The following SDK1 variants were observed in gnomAD, a reference collection of about 807,000 sequenced individuals.
SDK1 encodes protein sidekick-1.
Under a neutral mutation model 245.5 loss-of-function variants are expected in SDK1, and 157 were observed. The ratio of observed to expected loss-of-function variants is 0.64; its 90% CI spans 0.56 to 0.73. SDK1 has a LOEUF of 0.73. Among genes scored for constraint, SDK1 ranks in the 30% least tolerant of loss-of-function variants. The probability of loss-of-function intolerance (pLI) is 0.00; values close to 1 mark genes in which losing one functional copy is unlikely to be tolerated. For missense variants in SDK1, 3,583 were observed against 3,002.3 expected, an observed-to-expected ratio of 1.19 and a Z score of -4.52; for synonymous variants, 1,647 against 1,278.5, an observed-to-expected ratio of 1.29 and a Z score of -6.15.
intron 4 of SDK1, among the ~76,000 whole-genome samples, chr7:3,760,524 C>T (rs1780067458): frequency 6.6e-6 from 1 of 152,162 alleles, no homozygotes; most frequent in African/African-American, 2.4e-5. Context: ...TTATGTTTGC[C>T]AAATAAATCT....
chr7:4,220,086 T>A (rs375160906), intron 38 of SDK1, 23 bp from the exon 39 acceptor site: 1 of 1,609,192 alleles, frequency 6.2e-7, no homozygotes, highest in Non-Finnish European at 8.5e-7. Flanking sequence ...CCCCCTTGTT[T>A]CCTTTGCTTC....
chr7:3,830,736 G>A (rs1010394905), intron 5 of SDK1, among the ~76,000 whole-genome samples: 18 of 152,292 alleles, frequency 1.2e-4, no homozygotes, highest in Non-Finnish European at 1.9e-4. Context: ...GGCTCAAACA[G>A]TCGTCCTGTC....
At chr7:3,598,985 GGTTGCATGGTA>G (rs1050651018) in intron 1 of SDK1, among the ~76,000 whole-genome samples, 31 of 151,984 alleles carry the variant, frequency 2.0e-4, no homozygotes, top group Admixed American at 3.9e-4. Context: ...ACAGTTGCTG[GGTTGCATGGTA>G]GTTGCATGCT....
chr7:3,888,100 T>C (rs1208678340), intron 5 of SDK1, among the ~76,000 whole-genome samples: 1 of 152,222 alleles, frequency 6.6e-6, no homozygotes, highest in Non-Finnish European at 1.5e-5. Context: ...GGGTCAGCCT[T>C]ACTGAAACAA....
At chr7:4,174,523 CAG>C (rs2128217691) in intron 33 of SDK1, among the ~76,000 whole-genome samples, 166 bp downstream of exon 33, 1 of 152,288 alleles carries the variant, frequency 6.6e-6, no homozygotes, top group South Asian at 2.1e-4. Context: ...CAGGGGCACA[CAG>C]GGTGCAGGTG....
chr7:3,483,212 T>C (rs1441375088), intron 1 of SDK1, among the ~76,000 whole-genome samples: 1 of 152,238 alleles, frequency 6.6e-6, no homozygotes, highest in African/African-American at 2.4e-5. Flanking sequence ...TTTACAGTAT[T>C]GAGTCCTAGC....
At chr7:3,396,541 CCT>C (rs1176393420) in intron 1 of SDK1, among the ~76,000 whole-genome samples, 1 of 151,654 alleles carries the variant, frequency 6.6e-6, no homozygotes, top group Non-Finnish European at 1.5e-5. Context: ...ATTTTGGACC[CCT>C]GTTACTGCAT....
At chr7:3,547,214 TTAA>T (rs1472497933) in intron 1 of SDK1, among the ~76,000 whole-genome samples, 1 of 149,576 alleles carries the variant, frequency 6.7e-6, no homozygotes, top group Non-Finnish European at 1.5e-5. Context: ...TTACTCTACT[TTAA>T]GTGCTTTGAT....
chr7:3,829,256 T>G lies in SDK1; in HGVS notation c.847+7673T>G, dbSNP rs142351375. ...AGAAAGATACACAGTTTTACAAAAT[T>G]GTTTTAGGTGATCTAGGAACAACAA... On this transcript the variant is annotated intron_variant, in intron 5 of 44. Coordinates refer to ENST00000404826, the MANE Select transcript of SDK1 (RefSeq NM_152744.4). Among the ~76,000 whole-genome samples the G allele has an allele frequency of 4.1e-3, 625 of 152,302 alleles. 2 individuals carry two copies. The highest frequency in any genetic ancestry group is 6.3e-3 in the Non-Finnish European group (430 of 68,034).
chr7:3,381,180 G>A (rs1402057629), intron 1 of SDK1, among the ~76,000 whole-genome samples: 1 of 152,110 alleles, frequency 6.6e-6, no homozygotes, highest in Non-Finnish European at 1.5e-5. Flanking sequence ...TGAAGAGACT[G>A]GCAGAAGAAT....
chr7:3,392,605 A>G (rs1781786098), intron 1 of SDK1, among the ~76,000 whole-genome samples: 1 of 152,172 alleles, frequency 6.6e-6, no homozygotes, highest in Admixed American at 6.5e-5. Flanking sequence ...TCTAAGCAAT[A>G]ATTTCCCATT....
At chr7:3,617,884 C>T (rs1430304860) in intron 1 of SDK1, among the ~76,000 whole-genome samples, 1 of 152,142 alleles carries the variant, frequency 6.6e-6, no homozygotes, top group Non-Finnish European at 1.5e-5. Flanking sequence ...CAGACCGTAA[C>T]TCTAGGAAAG....
chr7:4,032,036 A>AG (rs921642419), intron 17 of SDK1, among the ~76,000 whole-genome samples: 6 of 151,866 alleles, frequency 4.0e-5, no homozygotes, highest in African/African-American at 7.3e-5. Context: ...CAAAAAAAAA[A>AG]AAAAAAAAGT....
At chr7:4,016,117 G>C (rs1287492364) in intron 16 of SDK1, among the ~76,000 whole-genome samples, 1 of 152,230 alleles carries the variant, frequency 6.6e-6, no homozygotes, top group Admixed American at 6.5e-5. Flanking sequence ...TTCGTGCTCA[G>C]GTGCCCTGCC....
At chr7:3,689,091 A>C (rs377529508) in intron 4 of SDK1, among the ~76,000 whole-genome samples, 22 of 152,246 alleles carry the variant, frequency 1.4e-4, no homozygotes, top group African/African-American at 5.3e-4. Context: ...TTCCAGTTCT[A>C]CATGTGGAGT....
chr7:3,774,630 A>C (rs377513891), intron 4 of SDK1, among the ~76,000 whole-genome samples: 90 of 152,324 alleles, frequency 5.9e-4, no homozygotes, highest in African/African-American at 2.0e-3. Flanking sequence ...AGATTCTGCC[A>C]GTGCAATTGT....
chr7:4,057,003 C>T (rs74552649), intron 19 of SDK1, among the ~76,000 whole-genome samples: 1,558 of 152,304 alleles, frequency 0.01, 25 homozygotes, highest in African/African-American at 0.036. Flanking sequence ...CAGTGACCCC[C>T]AGTGGTGGGG....
At chr7:3,409,224 G>T (rs749954554) in intron 1 of SDK1, among the ~76,000 whole-genome samples, 7 of 151,588 alleles carry the variant, frequency 4.6e-5, no homozygotes, top group Non-Finnish European at 1.0e-4. Context: ...GCCTCACTGA[G>T]ATTTCATTAA....
At chr7:3,793,135 C>G (rs1778857995) in intron 4 of SDK1, among the ~76,000 whole-genome samples, 2 of 151,956 alleles carry the variant, frequency 1.3e-5, no homozygotes, top group South Asian at 4.2e-4. Context: ...AAATATCTAC[C>G]CAAATGTCCC....
Sources: allele counts gnomAD v4.1 joint callset (sites outside exome capture counted in the v4.1 genomes callset), GRCh38; gene constraint gnomAD v4.1.1; transcripts MANE v1.5; gene names NCBI Gene and HGNC (gene_info 2026-07-23, HGNC 2026-07-21).